Variants in NUDT3 observed in about 807,000 individuals in gnomAD.
NUDT3 encodes the protein nudix hydrolase 3.
NUDT3 carries 9 observed loss-of-function variants against 23.6 expected under a neutral mutation model. That is an observed-to-expected ratio of 0.38 (90% CI 0.23 to 0.66). The LOEUF (loss-of-function observed/expected upper bound fraction) is 0.66, where lower values mean the gene tolerates loss of function less well. Ranked by LOEUF, NUDT3 falls within the 30% of genes least tolerant of loss-of-function variation. The probability of loss-of-function intolerance (pLI) is 0.52; values close to 1 mark genes in which losing one functional copy is unlikely to be tolerated. For missense variants in NUDT3, 172 were observed against 218.5 expected, an observed-to-expected ratio of 0.79 and a Z score of 1.34; for synonymous variants, 86 against 82.6, an observed-to-expected ratio of 1.04 and a Z score of -0.22.
intron 2 of NUDT3, among the ~76,000 whole-genome samples, chr6:34,305,146 C>T (rs987824920): frequency 3.3e-5 from 5 of 151,624 alleles, no homozygotes; most frequent in African/African-American, 1.2e-4. Context: ...CCATGCCTGG[C>T]TAATTTTTTA....
rs1354252946 is a variant in NUDT3, at chr6:34,279,682, G to T, written c.*9071C>A. 1 of 152,166 alleles carries T rather than the reference G, an allele frequency of 6.6e-6. No individual in the cohort carries two copies. Among genetic ancestry groups the T allele is most frequent in the Non-Finnish European group, 1.5e-5 (1 of 68,044 alleles). The allele number at this position is 152,166 out of a possible 1,614,324, so 9.4% of individuals were successfully genotyped here. On this transcript the variant is annotated 3_prime_UTR_variant, in exon 5 of 5. Transcript: ENST00000607016. ...AGAGACCAGACACTAAAAGGGATGTGTGTGAAATACTGGTTTTTATTGGTT... is the reference window on the plus strand; with the variant it reads ...AGAGACCAGACACTAAAAGGGATGTTTGTGAAATACTGGTTTTTATTGGTT...
intron 2 of NUDT3, among the ~76,000 whole-genome samples, chr6:34,305,162 T>C (rs926225764): frequency 4.0e-5 from 6 of 151,312 alleles, no homozygotes; most frequent in African/African-American, 1.2e-4. Context: ...TTTTAATTTT[T>C]AGTAGAGATG....
intron 1 of NUDT3, among the ~76,000 whole-genome samples, chr6:34,384,407 C>A (rs922732364): frequency 6.6e-6 from 1 of 152,150 alleles, no homozygotes; most frequent in African/African-American, 2.4e-5. Context: ...TCATTTTTCT[C>A]CCTGGGTAAA....
intron 1 of NUDT3, among the ~76,000 whole-genome samples, chr6:34,390,030 G>A (rs984739984): frequency 6.6e-6 from 1 of 151,614 alleles, no homozygotes; most frequent in Non-Finnish European, 1.5e-5. Flanking sequence ...CCAGCTACTC[G>A]GGAGGCTGAG....
chr6:34,345,606 T>A (rs1027013593), intron 1 of NUDT3, among the ~76,000 whole-genome samples: 1 of 138,394 alleles, frequency 7.2e-6, no homozygotes, highest in Non-Finnish European at 1.5e-5. Context: ...GAGCTGGCAG[T>A]GAACCGAGAT....
intron 1 of NUDT3, among the ~76,000 whole-genome samples, chr6:34,385,697 T>C (rs1234605502): frequency 6.6e-6 from 1 of 151,920 alleles, no homozygotes; most frequent in Non-Finnish European, 1.5e-5. Flanking sequence ...TTTTTTTTTT[T>C]TTTTGAGACA....
At chr6:34,290,567 G>A (rs918884752) in intron 4 of NUDT3, among the ~76,000 whole-genome samples, 22 of 151,238 alleles carry the variant, frequency 1.5e-4, no homozygotes, top group Admixed American at 6.6e-5. Context: ...AAAAAAATAT[G>A]AGACATTGCC....
At chr6:34,386,578 C>T (rs994739403) in intron 1 of NUDT3, among the ~76,000 whole-genome samples, 5 of 151,432 alleles carry the variant, frequency 3.3e-5, no homozygotes, top group Middle Eastern at 3.4e-3. Flanking sequence ...TTTTCTGGGG[C>T]TGGGGAAAAA....
intron 1 of NUDT3, among the ~76,000 whole-genome samples, chr6:34,357,790 G>A (rs543757480): frequency 1.4e-4 from 21 of 152,162 alleles, no homozygotes; most frequent in African/African-American, 5.1e-4. Context: ...TAATCCATAA[G>A]CAAGGTATAG....
chr6:34,346,065 G>A (rs966607634), intron 1 of NUDT3, among the ~76,000 whole-genome samples: 11 of 151,980 alleles, frequency 7.2e-5, no homozygotes, highest in African/African-American at 2.2e-4. Context: ...CACCGCGCCC[G>A]GCCAAGTTTT....
chr6:34,341,179 G>T (rs920386338), intron 2 of NUDT3, among the ~76,000 whole-genome samples: 1 of 152,134 alleles, frequency 6.6e-6, no homozygotes, highest in Non-Finnish European at 1.5e-5. Flanking sequence ...CACCACAAGA[G>T]GCTATGGAAA....
At chr6:34,386,632 T>C (rs902813639) in intron 1 of NUDT3, among the ~76,000 whole-genome samples, 7 of 152,132 alleles carry the variant, frequency 4.6e-5, no homozygotes, top group African/African-American at 1.4e-4. Flanking sequence ...ATCTATTACC[T>C]TCTAATATAG....
chr6:34,358,081 C>A (rs1422846953), intron 1 of NUDT3, among the ~76,000 whole-genome samples: 5 of 152,176 alleles, frequency 3.3e-5, no homozygotes, highest in Admixed American at 2.0e-4. Context: ...TCTATTGATT[C>A]ATTTGCCAAT....
rs770833463 is a variant in NUDT3 at position 34,288,802 on chromosome 6, G to C, written c.470C>G (p.Ala157Gly). Reference protein sequence around the residue: ...YSANNGTPVVATTYSVSAQSS... With the variant: ...YSANNGTPVVGTTYSVSAQSS... Reference sequence around the variant, plus strand: ...CTGAGCAGAAACCGAGTATGTGGTGGCCACGACTGGGGTGCCATTGTTGGC... The same window carrying C: ...CTGAGCAGAAACCGAGTATGTGGTGCCCACGACTGGGGTGCCATTGTTGGC... Residue 157 changes from alanine to glycine, a missense_variant, in exon 5 of 5, where the codon GCC becomes GGC. Ala to Gly is a moderately conservative substitution (Grantham distance 60). Around this residue, in one of 3 missense-constraint regions of NUDT3, gnomAD observed 63 missense variants for 64.9 expected, o/e 0.97. Coordinates refer to ENST00000607016, the MANE Select transcript of NUDT3 (RefSeq NM_006703.4). The C allele has an allele frequency of 1.2e-5, 20 of 1,614,020 alleles. 1 individual carries two copies. In the South Asian group the frequency reaches 2.2e-4, roughly 18 times the overall value.
At chr6:34,329,121 A>T (rs1430075873) in intron 2 of NUDT3, among the ~76,000 whole-genome samples, 1 of 152,206 alleles carries the variant, frequency 6.6e-6, no homozygotes, top group Non-Finnish European at 1.5e-5. Context: ...ATAACATGAA[A>T]CATGAAATTC....
chr6:34,342,762 T>C (rs1049591105), intron 1 of NUDT3, among the ~76,000 whole-genome samples: 1 of 152,220 alleles, frequency 6.6e-6, no homozygotes, highest in African/African-American at 2.4e-5. Context: ...AATCTTCAAC[T>C]GCTCCCTAAA....
intron 1 of NUDT3, among the ~76,000 whole-genome samples, chr6:34,365,673 G>A (rs1477925248): frequency 6.6e-6 from 1 of 152,178 alleles, no homozygotes; most frequent in Non-Finnish European, 1.5e-5. Context: ...AGCTATACAA[G>A]AGGCTGAGGC....
At chr6:34,322,501 C>T (rs4711391) in intron 2 of NUDT3, among the ~76,000 whole-genome samples, 18,475 of 152,052 alleles carry the variant, frequency 0.12, 1,675 homozygotes, top group Admixed American at 0.27. Flanking sequence ...AGTACTGGGA[C>T]TACAGGCATG....
At chr6:34,319,597 C>T (rs1163111318) in intron 2 of NUDT3, among the ~76,000 whole-genome samples, 1 of 152,114 alleles carries the variant, frequency 6.6e-6, no homozygotes, top group Non-Finnish European at 1.5e-5. Context: ...CCTCTTAGGC[C>T]TTTTATGGAG....
Sources: gnomAD v4.1 joint callset for allele counts (sites outside exome capture counted in the v4.1 genomes callset) on GRCh38, gnomAD v4.1.1 for gene constraint, gnomAD v4.1.1 regional missense constraint, MANE v1.5 for transcripts, NCBI Gene and HGNC (gene_info 2026-07-23, HGNC 2026-07-21) for gene names.